Variants in HIVEP2 observed in about 807,000 individuals in gnomAD.
The protein encoded by HIVEP2 is transcription factor HIVEP2.
Under a neutral mutation model 180.7 loss-of-function variants are expected in HIVEP2, and 14 were observed. The ratio of observed to expected loss-of-function variants is 0.08; its 90% confidence interval spans 0.05 to 0.12. HIVEP2 has a LOEUF of 0.12. HIVEP2 is among the 10% of genes least tolerant of loss of function. The pLI, the probability that HIVEP2 is intolerant of heterozygous loss-of-function variation, is 1.00. For missense variants in HIVEP2, 2,579 were observed against 3,008.5 expected (o/e 0.86, Z 3.34); for synonymous variants, 1,184 against 1,136.4 (o/e 1.04, Z -0.84).
chr6:142,796,011 G>T (rs511565), intron 2 of HIVEP2, among the ~76,000 whole-genome samples: 5 of 152,076 alleles, frequency 3.3e-5, no homozygotes, highest in African/African-American at 2.4e-5. Flanking sequence ...ACTCTATGGG[G>T]GAGCCCACGT....
intron 1 of HIVEP2, among the ~76,000 whole-genome samples, chr6:142,903,591 T>G (rs545511372): frequency 6.6e-6 from 1 of 152,314 alleles, no homozygotes; most frequent in Admixed American, 6.5e-5. Flanking sequence ...CATAAATTAA[T>G]GTACCAGTAC....
chr6:142,766,332 C>G (rs2114632296), intron 6 of HIVEP2, among the ~76,000 whole-genome samples: 1 of 152,186 alleles, frequency 6.6e-6, no homozygotes, highest in East Asian at 1.9e-4. Context: ...TAAATTTCCC[C>G]CCTTTTACCA....
intron 2 of HIVEP2, among the ~76,000 whole-genome samples, chr6:142,833,193 G>A (rs939963982): frequency 6.6e-5 from 10 of 152,162 alleles, no homozygotes; most frequent in Non-Finnish European, 1.5e-5. Flanking sequence ...CCCCCACCAT[G>A]AAGCCTCCGG....
intron 1 of HIVEP2, among the ~76,000 whole-genome samples, chr6:142,944,192 C>G (rs1778245541): frequency 6.6e-6 from 1 of 152,174 alleles, no homozygotes; most frequent in Non-Finnish European, 1.5e-5. Context: ...CGCTTCCTGA[C>G]CTTCTATCCC....
Position 142,816,873 on chromosome 6 carries a change from GGTGT to G in HIVEP2, c.-528+20058_-528+20061del, listed in dbSNP as rs34958624. ...AAAAATGTTTGTAATAGCACCAGAG[GGTGT>G]GTGTGTGTGTGTGTGTGTGTGTACA... On this transcript the variant is annotated intron_variant, in intron 2 of 9. Coordinates refer to ENST00000367603, the MANE Select transcript of HIVEP2 (RefSeq NM_006734.4). 3.4e-4 allele frequency among the ~76,000 whole-genome samples: 51 copies of G among 148,540 alleles called. No homozygotes were observed. The East Asian group carries it at 4.0e-3, about 12-fold the overall frequency.
At chr6:142,890,083 T>G (rs965678300) in intron 1 of HIVEP2, among the ~76,000 whole-genome samples, 1 of 152,218 alleles carries the variant, frequency 6.6e-6, no homozygotes, top group Non-Finnish European at 1.5e-5. Context: ...CCAGTGTTAA[T>G]TAGGGTCTAT....
chr6:142,897,789 ATATAT>A (rs527616102), intron 1 of HIVEP2, among the ~76,000 whole-genome samples: 21 of 152,318 alleles, frequency 1.4e-4, no homozygotes, highest in African/African-American at 5.0e-4. Flanking sequence ...TTTTCTGTAT[ATATAT>A]TATATTACAC....
At chr6:142,785,224 A>T (rs1048108050) in intron 2 of HIVEP2, among the ~76,000 whole-genome samples, 1 of 151,084 alleles carries the variant, frequency 6.6e-6, no homozygotes, top group African/African-American at 2.4e-5. Flanking sequence ...TAAATATCAC[A>T]TCTGTTTTAA....
chr6:142,774,809 G>A lies in HIVEP2; in HGVS notation c.-71C>T. ...AGACTCATGGAGTGTCTCCAAAGCT[G>A]TGCTTCTTAAAGCTTGGTTGCTTCC... On this transcript the variant is annotated 5_prime_UTR_variant, in exon 5 of 10. Coordinates refer to ENST00000367603, the MANE Select transcript of HIVEP2 (RefSeq NM_006734.4). The surrounding 1 kb of genome is among the most constrained non-coding windows in gnomAD (Gnocchi z 5.1). 4 of 1,540,846 alleles carry A rather than the reference G, an allele frequency of 2.6e-6. No individual in the cohort carries two copies. The highest frequency in any genetic ancestry group is 3.5e-6 in the Non-Finnish European group (4 of 1,146,806).
chr6:142,942,261 ATTTG>A (rs1260136706), intron 1 of HIVEP2, among the ~76,000 whole-genome samples: 2 of 151,748 alleles, frequency 1.3e-5, no homozygotes, highest in Admixed American at 1.3e-4. Context: ...ACACAGAGTT[ATTTG>A]TTATTGCTGC....
intron 1 of HIVEP2, among the ~76,000 whole-genome samples, chr6:142,929,015 A>G (rs372301576): frequency 1.8e-4 from 28 of 152,188 alleles, no homozygotes; most frequent in African/African-American, 5.1e-4. Flanking sequence ...ACTGTAGTGG[A>G]TATCTGTTTC....
At chr6:142,918,337 C>T (rs1033829083) in intron 1 of HIVEP2, among the ~76,000 whole-genome samples, 1 of 152,216 alleles carries the variant, frequency 6.6e-6, no homozygotes, top group African/African-American at 2.4e-5. Context: ...TGAGCCATCG[C>T]TCACAGCCCT....
intron 1 of HIVEP2, among the ~76,000 whole-genome samples, chr6:142,854,722 A>G (rs1353744893): frequency 6.6e-6 from 1 of 152,180 alleles, no homozygotes; most frequent in Non-Finnish European, 1.5e-5. Context: ...CCTGCCACCA[A>G]TGCCACATCC....
At chr6:142,934,862 A>G (rs1778016528) in intron 1 of HIVEP2, among the ~76,000 whole-genome samples, 1 of 152,186 alleles carries the variant, frequency 6.6e-6, no homozygotes, top group African/African-American at 2.4e-5. Flanking sequence ...AAGGGTGTGT[A>G]GTGGTGGAAA....
chr6:142,773,393 G>A lies in HIVEP2; in HGVS notation c.1346C>T (p.Ala449Val), dbSNP rs755322593. The change falls in exon 5 of 10, where the codon GCA (alanine) becomes GTA (valine). Residue 449 changes from alanine to valine, a missense_variant. Physicochemically the swap from Ala to Val is moderately conservative, Grantham distance 64. Around this residue, in one of 11 missense-constraint regions of HIVEP2, gnomAD observed 524 missense variants for 563.6 expected, o/e 0.93. Transcript: ENST00000367603. ...SVTTTSQERA[A>V]MGRKGIMEPL... ...TTCCATTATGCCCTTCCTACCCATT[G>A]CGGCACGCTCCTGACTTGTGGTTGT... 1.9e-6 allele frequency: 3 copies of A among 1,614,030 alleles called. No homozygotes were observed. The African/African-American group carries it at 4.0e-5, about 22-fold the overall frequency.
intron 1 of HIVEP2, among the ~76,000 whole-genome samples, chr6:142,898,291 A>C (rs887473055): frequency 6.6e-6 from 1 of 152,114 alleles, no homozygotes; most frequent in African/African-American, 2.4e-5. Flanking sequence ...TAAAATTGAA[A>C]CTCAGGTCTT....
intron 1 of HIVEP2, among the ~76,000 whole-genome samples, chr6:142,928,667 T>G (rs1554224150): frequency 6.6e-6 from 1 of 152,244 alleles, no homozygotes; most frequent in Non-Finnish European, 1.5e-5. Context: ...CATAGTATAT[T>G]AGAGTTTGCT....
chr6:142,896,839 G>A (rs1194328481), intron 1 of HIVEP2, among the ~76,000 whole-genome samples: 1 of 151,904 alleles, frequency 6.6e-6, no homozygotes, highest in South Asian at 2.1e-4. Flanking sequence ...CTCTCCAATG[G>A]CTCTACTTGG....
At chr6:142,780,023 T>C (rs1246215712) in intron 3 of HIVEP2, among the ~76,000 whole-genome samples, 1 of 152,252 alleles carries the variant, frequency 6.6e-6, no homozygotes, top group East Asian at 1.9e-4. Flanking sequence ...AAAAGTCTTA[T>C]CTATCACTTT....
Sources: gnomAD v4.1 joint callset for allele counts (sites outside exome capture counted in the v4.1 genomes callset) on GRCh38, gnomAD v4.1.1 for gene constraint, gnomAD v4.1.1 regional missense constraint, Gnocchi (gnomAD v3.1) non-coding constraint, MANE v1.5 for transcripts, NCBI Gene and HGNC (gene_info 2026-07-23, HGNC 2026-07-21) for gene names.